The following ZNF676 variants were observed in gnomAD, a reference collection of about 807,000 sequenced individuals.
ZNF676 encodes the protein zinc finger protein 676.
A neutral mutation model predicts 6.0 loss-of-function variants in ZNF676; 4 were observed. The observed-to-expected ratio is 0.67, with a 90% CI of 0.33 to 1.53. The LOEUF is 1.53. Among genes scored for constraint, ZNF676 ranks in the 40% most tolerant of loss-of-function variants. The pLI is 0.06. For synonymous variants in ZNF676, 198 were observed against 223.1 expected (o/e 0.89, Z 1.00); for missense variants, 644 against 679.7 (o/e 0.95, Z 0.58).
At chr19:22,185,489 C>CAA (rs35260893) in intron 2 of ZNF676, among the ~76,000 whole-genome samples, 307 of 141,654 alleles carry the variant, frequency 2.2e-3, no homozygotes, top group Middle Eastern at 0.011. Flanking sequence ...TCATCACCAG[C>CAA]AAAAAAAAAA....
chr19:22,236,405 G>C, the ZNF676 span, among the ~76,000 whole-genome samples: 1 of 152,116 alleles, frequency 6.6e-6, no homozygotes, highest in South Asian at 2.1e-4. Flanking sequence ...TTTAACTGGA[G>C]GACCACAGTG....
chr19:22,185,141 G>T (rs905764750), intron 2 of ZNF676, among the ~76,000 whole-genome samples: 1 of 152,088 alleles, frequency 6.6e-6, no homozygotes, highest in Non-Finnish European at 1.5e-5. Flanking sequence ...CTGGCAGGTG[G>T]CCTCTGGGAC....
rs534820970 is a variant in ZNF676 at position 22,189,914 on chromosome 19, C to G, written c.130+3102G>C. 8.5e-5 allele frequency among the ~76,000 whole-genome samples: 13 copies of G among 152,252 alleles called. No homozygotes were observed. In the South Asian group the frequency reaches 2.7e-3, roughly 32 times the overall value. ...GTGGAGAAGTAGAAAAGCTTTTACACTGCTGAGTGGAGTGTAAATTAGTTC... is the reference window on the plus strand; with the variant it reads ...GTGGAGAAGTAGAAAAGCTTTTACAGTGCTGAGTGGAGTGTAAATTAGTTC... On this transcript the variant is annotated intron_variant, in intron 2 of 2. Coordinates refer to ENST00000397121, the MANE Select transcript of ZNF676 (RefSeq NM_001001411.3).
chr19:22,245,345 T>G, the ZNF676 span: 2 of 152,000 alleles, frequency 1.3e-5, no homozygotes, highest in Non-Finnish European at 2.9e-5. Flanking sequence ...CAGTGATGAG[T>G]CACTTTCCCT....
At chr19:22,198,019 C>A (rs1305782882), upstream of ZNF676, among the ~76,000 whole-genome samples, 2 of 152,174 alleles carry the variant, frequency 1.3e-5, no homozygotes, top group Non-Finnish European at 2.9e-5. Context: ...ATTTCTTCAG[C>A]ACTGAGAGAG....
At chr19:22,207,098 A>G (rs1446891330) in intron 1 of ZNF676, among the ~76,000 whole-genome samples, 1 of 152,206 alleles carries the variant, frequency 6.6e-6, no homozygotes, top group Admixed American at 6.5e-5. Flanking sequence ...AGCCAGAGCA[A>G]TCAGGCAAAA....
chr19:22,192,322 TTAAATA>T (rs2144758087), intron 2 of ZNF676, among the ~76,000 whole-genome samples: 1 of 152,202 alleles, frequency 6.6e-6, no homozygotes, highest in South Asian at 2.1e-4. Context: ...ACAAATAAAT[TTAAATA>T]TATTTTATGT....
At chr19:22,186,794 A>C (rs1048841544) in intron 2 of ZNF676, among the ~76,000 whole-genome samples, 1 of 152,224 alleles carries the variant, frequency 6.6e-6, no homozygotes, top group African/African-American at 2.4e-5. Context: ...GATGGGCATT[A>C]CATAATGGTA....
At chr19:22,202,549 G>A (rs571343932) in intron 1 of ZNF676, among the ~76,000 whole-genome samples, 1 of 152,166 alleles carries the variant, frequency 6.6e-6, no homozygotes, top group African/African-American at 2.4e-5. Flanking sequence ...GGAAAATACA[G>A]TTAGAAGCAA....
chr19:22,236,646 C>T, the ZNF676 span, among the ~76,000 whole-genome samples: 6 of 152,198 alleles, frequency 3.9e-5, no homozygotes, highest in Non-Finnish European at 8.8e-5. Context: ...GGTCTGTAAA[C>T]TGGCTCAAGT....
At chr19:22,259,826 G>T in the ZNF676 span, 1 of 152,176 alleles carries the variant, frequency 6.6e-6, no homozygotes, top group African/African-American at 2.4e-5. Context: ...ATTGGGCCCA[G>T]CAATATGTCA....
At chr19:22,192,260 A>T (rs1371583882) in intron 2 of ZNF676, among the ~76,000 whole-genome samples, 1 of 152,256 alleles carries the variant, frequency 6.6e-6, no homozygotes, top group East Asian at 1.9e-4. Context: ...AACAAATTTA[A>T]TTGAGGAGCT....
At chr19:22,187,200 C>T (rs543922623) in intron 2 of ZNF676, among the ~76,000 whole-genome samples, 1 of 152,262 alleles carries the variant, frequency 6.6e-6, no homozygotes, top group South Asian at 2.1e-4. Flanking sequence ...CAAATTAGAA[C>T]TCAGGATTGA....
At chr19:22,239,709 T>C in the ZNF676 span, among the ~76,000 whole-genome samples, 3 of 151,986 alleles carry the variant, frequency 2.0e-5, no homozygotes, top group Non-Finnish European at 4.4e-5. Flanking sequence ...GGCAGGAGAG[T>C]CACAACATTT....
In ZNF676 at chr19:22,180,539, T is replaced by A; in HGVS notation, c.1178A>T (p.Tyr393Phe). ...AGCTTTGCCACATTCTTCACATTTG[T>A]AGGGCTTCTCTTCAGCATGAATTGC... ...HKAIHAEEKP[Y>F]KCEECGKASN... Residue 393 changes from tyrosine (Y) to phenylalanine (F), a missense_variant, in exon 3 of 3, where the codon TAC becomes TTC. Physicochemically the swap from Tyr to Phe is conservative, Grantham distance 22. Transcript: ENST00000397121. 6.2e-7 allele frequency: 1 copy of A among 1,612,214 alleles called. No individual in the cohort carries two copies. Among genetic ancestry groups the A allele is most frequent in the Middle Eastern group, 1.7e-4 (1 of 6,042 alleles).
rs961714317 is a variant in ZNF676, at chr19:22,181,235, C to A, written c.482G>T (p.Arg161Ile). Residue 161 changes from arginine to isoleucine, a missense_variant, in exon 3 of 3, where the codon AGA becomes ATA. Coordinates refer to ENST00000397121, the MANE Select transcript of ZNF676 (RefSeq NM_001001411.3). Reference sequence around the variant, plus strand: ...GTAGGAATTCTCTCTAGTATAAATTCTTTCATGTTGAGATAGGTGTGAAAG... The same window carrying A: ...GTAGGAATTCTCTCTAGTATAAATTATTTCATGTTGAGATAGGTGTGAAAG... Reference protein sequence around the residue: ...CMLSHLSQHERIYTRENSYKC... With the variant: ...CMLSHLSQHEIIYTRENSYKC... 6.2e-7 allele frequency: 1 copy of A among 1,613,686 alleles called. No homozygotes were observed. The highest frequency in any genetic ancestry group is 8.5e-7 in the Non-Finnish European group (1 of 1,179,850).
chr19:22,218,406 T>C (rs1308889498), upstream of ZNF676, among the ~76,000 whole-genome samples: 1 of 152,096 alleles, frequency 6.6e-6, no homozygotes, highest in Non-Finnish European at 1.5e-5. Flanking sequence ...TGATCTCGGC[T>C]CACTACAACC....
chr19:22,219,453 T>A (rs1239083910), upstream of ZNF676, among the ~76,000 whole-genome samples: 4 of 152,096 alleles, frequency 2.6e-5, no homozygotes, highest in Admixed American at 6.6e-5. Flanking sequence ...ATTATATCAT[T>A]GGTAAACAGT....
the ZNF676 span, among the ~76,000 whole-genome samples, chr19:22,238,042 G>C: frequency 1.3e-5 from 2 of 152,144 alleles, no homozygotes; most frequent in Non-Finnish European, 2.9e-5. Flanking sequence ...AAGATAGAAT[G>C]CCTGAGTTCA....
Sources: allele counts gnomAD v4.1 joint callset (sites outside exome capture counted in the v4.1 genomes callset), GRCh38; gene constraint gnomAD v4.1.1; transcripts MANE v1.5; gene names NCBI Gene and HGNC (gene_info 2026-07-23, HGNC 2026-07-21).